Variants in CHST8 observed in about 807,000 individuals in gnomAD.
The protein encoded by CHST8 is carbohydrate sulfotransferase 8, also known as GALNAC-4-ST1.
Under a neutral mutation model 15.0 loss-of-function variants are expected in CHST8, and 10 were observed. That is an observed-to-expected ratio of 0.67 (90% CI 0.41 to 1.13). CHST8 has a LOEUF of 1.13. Ranked by LOEUF, CHST8 falls within the 50% of genes most tolerant of loss-of-function variation. The pLI, the probability that CHST8 is intolerant of heterozygous loss-of-function variation, is 0.00. For synonymous variants in CHST8, 259 were observed against 256.6 expected, an observed-to-expected ratio of 1.01 and a Z score of -0.09; for missense variants, 634 against 608.2, an observed-to-expected ratio of 1.04 and a Z score of -0.45.
intron 3 of CHST8, among the ~76,000 whole-genome samples, chr19:33,745,078 T>G (rs1180292220): frequency 6.6e-6 from 1 of 152,130 alleles, no homozygotes; most frequent in Non-Finnish European, 1.5e-5. Context: ...AGAGATGGGC[T>G]CTGGCTATGT....
intron 1 of CHST8, among the ~76,000 whole-genome samples, chr19:33,648,408 C>G (rs543967669): frequency 6.6e-6 from 1 of 152,274 alleles, no homozygotes; most frequent in African/African-American, 2.4e-5. Context: ...CTGCCCAGTC[C>G]TAGGCAAACA....
At chr19:33,766,695 T>G (rs1300947660) in intron 3 of CHST8, among the ~76,000 whole-genome samples, 1 of 152,170 alleles carries the variant, frequency 6.6e-6, no homozygotes, top group Non-Finnish European at 1.5e-5. Flanking sequence ...AGGACCAAGA[T>G]GCAGTCGGGA....
At chr19:33,721,433 G>A (rs1973786875) in intron 3 of CHST8, among the ~76,000 whole-genome samples, 1 of 152,198 alleles carries the variant, frequency 6.6e-6, no homozygotes, top group Admixed American at 6.5e-5. Context: ...GCTATGCTAG[G>A]TTCTTAACAC....
At chr19:33,727,750 T>C (rs1194081835) in intron 3 of CHST8, among the ~76,000 whole-genome samples, 2 of 152,254 alleles carry the variant, frequency 1.3e-5, no homozygotes, top group African/African-American at 2.4e-5. Context: ...AGGTGCCAAG[T>C]GGATCTGCTC....
intron 1 of CHST8, among the ~76,000 whole-genome samples, chr19:33,657,521 C>T (rs2145217819): frequency 6.6e-6 from 1 of 152,076 alleles, no homozygotes; most frequent in South Asian, 2.1e-4. Context: ...ATTCGCCCAC[C>T]TCAGCCTCCC....
At chr19:33,767,506 A>G (rs112182175) in intron 3 of CHST8, among the ~76,000 whole-genome samples, 3,245 of 152,362 alleles carry the variant, frequency 0.021, 93 homozygotes, top group African/African-American at 0.071. Context: ...AACTTCAGCC[A>G]ATGAAGAGTT....
chr19:33,635,287 T>C (rs1431260912), intron 1 of CHST8, among the ~76,000 whole-genome samples: 1 of 152,162 alleles, frequency 6.6e-6, no homozygotes, highest in African/African-American at 2.4e-5. Flanking sequence ...GGGTGTGGCT[T>C]GCCCCTCCCT....
At chr19:33,667,984 A>G (rs1415430186) in intron 2 of CHST8, 141 bp downstream of exon 2, 2 of 152,122 alleles carry the variant, frequency 1.3e-5, no homozygotes, top group South Asian at 2.1e-4. Context: ...GTGTCGGGGG[A>G]AAAATATCGG....
At chr19:33,625,043 G>A (rs1712176835) in intron 1 of CHST8, among the ~76,000 whole-genome samples, 1 of 151,966 alleles carries the variant, frequency 6.6e-6, no homozygotes, top group African/African-American at 2.4e-5. Flanking sequence ...CGGGGAACCT[G>A]TGAGCAGGAA....
intron 3 of CHST8, among the ~76,000 whole-genome samples, chr19:33,764,405 C>A (rs166955): frequency 6.6e-6 from 1 of 151,966 alleles, no homozygotes; most frequent in Non-Finnish European, 1.5e-5. Flanking sequence ...GAGGCCAAAG[C>A]GGGAGGATCA....
At chr19:33,661,593 A>G in intron 1 of CHST8, among the ~76,000 whole-genome samples, 1 of 152,178 alleles carries the variant, frequency 6.6e-6, no homozygotes, top group East Asian at 1.9e-4. Flanking sequence ...GGTGATGCCC[A>G]CTGCCTCACC....
chr19:33,681,440 G>A (rs1465165745), intron 2 of CHST8, among the ~76,000 whole-genome samples: 3 of 152,200 alleles, frequency 2.0e-5, no homozygotes, highest in Non-Finnish European at 4.4e-5. Context: ...CAGGAACAGG[G>A]ATAACTGTTC....
At chr19:33,709,951 G>A (rs368894190) in intron 3 of CHST8, among the ~76,000 whole-genome samples, 6 of 152,056 alleles carry the variant, frequency 3.9e-5, no homozygotes, top group African/African-American at 1.4e-4. Context: ...TGGGACTACA[G>A]GTTCATGCCA....
intron 3 of CHST8, among the ~76,000 whole-genome samples, chr19:33,750,996 G>A (rs1465658047): frequency 6.6e-6 from 1 of 152,144 alleles, no homozygotes; most frequent in Non-Finnish European, 1.5e-5. Context: ...AAGGGGGAGT[G>A]ATGGGGAAGT....
At chr19:33,636,440 G>C (rs1290122663) in intron 1 of CHST8, among the ~76,000 whole-genome samples, 1 of 152,092 alleles carries the variant, frequency 6.6e-6, no homozygotes, top group Non-Finnish European at 1.5e-5. Flanking sequence ...TCACCACTAC[G>C]GGTCCTGGTA....
intron 1 of CHST8, among the ~76,000 whole-genome samples, chr19:33,659,221 A>C (rs1972553470): frequency 6.6e-6 from 1 of 151,830 alleles, no homozygotes; most frequent in South Asian, 2.1e-4. Context: ...AAGCGCCACC[A>C]CACCCGGCTA....
chr19:33,764,577 G>C (rs1045561447), intron 3 of CHST8, among the ~76,000 whole-genome samples: 17 of 152,160 alleles, frequency 1.1e-4, no homozygotes, highest in African/African-American at 4.1e-4. Context: ...GTCAAATTGG[G>C]TGCCCGCCCC....
intron 1 of CHST8, among the ~76,000 whole-genome samples, chr19:33,626,130 C>T (rs1475615436): frequency 6.6e-6 from 1 of 152,124 alleles, no homozygotes; most frequent in Non-Finnish European, 1.5e-5. Flanking sequence ...CAGACGCCAT[C>T]TCATTTCTTA....
chr19:33,730,892 G>A (rs1973981897), intron 3 of CHST8, among the ~76,000 whole-genome samples: 1 of 152,206 alleles, frequency 6.6e-6, no homozygotes, highest in South Asian at 2.1e-4. Context: ...GAGTCCAGGA[G>A]TCCAAAACCT....
Sources: gnomAD v4.1 joint callset for allele counts (sites outside exome capture counted in the v4.1 genomes callset) on GRCh38, gnomAD v4.1.1 for gene constraint, MANE v1.5 for transcripts, NCBI Gene and HGNC (gene_info 2026-07-23, HGNC 2026-07-21) for gene names.